Variants in SDC4 observed in about 807,000 individuals in gnomAD.
SDC4 encodes the protein syndecan 4, also known as syndecan-4.
Under a neutral mutation model 20.5 loss-of-function variants are expected in SDC4, and 17 were observed. The observed-to-expected ratio is 0.83, with a 90% CI of 0.57 to 1.25. The LOEUF is 1.25. Among genes scored for constraint, SDC4 ranks in the 50% most tolerant of loss-of-function variants. SDC4 has a pLI of 0.00. For missense variants in SDC4, 241 were observed against 252.3 expected (o/e 0.96, Z 0.30); for synonymous variants, 107 against 105.3 (o/e 1.02, Z -0.10).
rs901163167 is a variant in SDC4, at chr20:45,335,875, G to A, written c.106C>T (p.Arg36Ter). Residue 36 changes from arginine (R) to a stop codon, truncating the protein, a stop_gained, in exon 2 of 5, where the codon CGA (arginine) becomes TGA (stop). Transcript: ENST00000372733. LOFTEE classifies it high-confidence loss of function. ...VIDPQDLLEGRYFSGALPDDE... is the reference protein window; with the variant it reads ...VIDPQDLLEG ...TCTGGTAGGGCTCCGGAGAAGTATC[G>A]GCCTTCTAGGAGGTCCTGGGGGTCG... 14 of 1,613,610 alleles carry A rather than the reference G, an allele frequency of 8.7e-6. No homozygotes were observed. The highest frequency in any genetic ancestry group is 2.2e-5 in the East Asian group (1 of 44,870).
At chr20:45,343,673 G>T (rs892985008) in intron 1 of SDC4, among the ~76,000 whole-genome samples, 2 of 152,336 alleles carry the variant, frequency 1.3e-5, no homozygotes, top group East Asian at 1.9e-4. Context: ...TCCCAGCTGT[G>T]GGGGTAGATA....
In SDC4 at chr20:45,342,122, CCGAG is replaced by C. The variant is rs1404464938; in HGVS notation, c.60+6199_60+6202del. 4.6e-5 allele frequency among the ~76,000 whole-genome samples: 7 copies of C among 152,286 alleles called. No individual in the cohort carries two copies. In the South Asian group the frequency reaches 1.0e-3, roughly 23 times the overall value. On this transcript the variant is annotated intron_variant, in intron 1 of 4. Coordinates refer to ENST00000372733, the MANE Select transcript of SDC4 (RefSeq NM_002999.4). Reference sequence around the variant, plus strand: ...AGCAGATCCGAAATCCCTGCTGGATCCGAGGGCTAGGGAGGCTCTCGGGATGTAA... The same window carrying C: ...AGCAGATCCGAAATCCCTGCTGGATCGGCTAGGGAGGCTCTCGGGATGTAA...
chr20:45,339,470 G>C (rs1987923244), intron 1 of SDC4, among the ~76,000 whole-genome samples: 1 of 152,246 alleles, frequency 6.6e-6, no homozygotes. Context: ...AAGTAAGACA[G>C]TGGTGGCTAG....
chr20:45,348,253 C>A, intron 1 of SDC4, 72 bp downstream of exon 1: 1 of 1,284,934 alleles, frequency 7.8e-7, no homozygotes, highest in Non-Finnish European at 1.1e-6. Context: ...CCATCCCACG[C>A]TCCGACGAAC....
At chr20:45,328,755 A>C (rs1987732666) in intron 4 of SDC4, among the ~76,000 whole-genome samples, 1 of 152,200 alleles carries the variant, frequency 6.6e-6, no homozygotes, top group African/African-American at 2.4e-5. Context: ...TATGTACACA[A>C]TGGGGACAGA....
At chr20:45,347,750 A>G (rs1988053803) in intron 1 of SDC4, among the ~76,000 whole-genome samples, 1 of 152,164 alleles carries the variant, frequency 6.6e-6, no homozygotes, top group African/African-American at 2.4e-5. Flanking sequence ...CCCTTGGTGC[A>G]GTATTGGGAA....
intron 1 of SDC4, among the ~76,000 whole-genome samples, chr20:45,342,007 C>CG (rs1987959240): frequency 6.6e-6 from 1 of 152,170 alleles, no homozygotes; most frequent in African/African-American, 2.4e-5. Flanking sequence ...GGCATTGCTC[C>CG]GATTACCGGT....
chr20:45,335,342 A>G (rs1178606824), intron 2 of SDC4, among the ~76,000 whole-genome samples: 2 of 151,832 alleles, frequency 1.3e-5, no homozygotes, highest in Admixed American at 1.3e-4. Context: ...CACCACATCC[A>G]GCTAATTTTT....
chr20:45,333,858 T>A (rs1987818983), intron 2 of SDC4, among the ~76,000 whole-genome samples: 2 of 152,256 alleles, frequency 1.3e-5, no homozygotes, highest in Non-Finnish European at 2.9e-5. Context: ...ATGTTTAAAA[T>A]GTTCTTATCT....
At chr20:45,336,001 C>A (rs565736475) in intron 1 of SDC4, 81 bp from the exon 2 acceptor site, 1 of 1,488,798 alleles carries the variant, frequency 6.7e-7, no homozygotes, top group South Asian at 1.2e-5. Context: ...GTGAAGTGGG[C>A]ATTCAGAAAC....
intron 1 of SDC4, among the ~76,000 whole-genome samples, chr20:45,337,765 G>T (rs1215134750): frequency 3.3e-5 from 5 of 152,360 alleles, no homozygotes; most frequent in African/African-American, 1.2e-4. Context: ...CCCCCACAGA[G>T]GGAGAATGCT....
intron 1 of SDC4, among the ~76,000 whole-genome samples, chr20:45,337,399 G>A (rs559335821): frequency 6.6e-6 from 1 of 152,314 alleles, no homozygotes; most frequent in African/African-American, 2.4e-5. Flanking sequence ...CTGGGGGTCT[G>A]CTTAGAATCA....
In SDC4 at chr20:45,327,342, C is replaced by T; in HGVS notation, c.519G>A (p.Lys173=). The change falls in exon 5 of 5, where the codon AAG becomes AAA. Residue 173 remains lysine (K), a synonymous_variant. Coordinates refer to ENST00000372733, the MANE Select transcript of SDC4 (RefSeq NM_002999.4). ...GGTCATAGCTGCCTTCATCCTTCTT[C>T]TTCATACGGTACATGAGCAGTAGGA... The part of the protein sequence containing the change: ...FLILLLMYRM[K]KKDEGSYDLG... The T allele has an allele frequency of 1.2e-6, 2 of 1,614,178 alleles. No individual in the cohort carries two copies. The highest frequency in any genetic ancestry group is 1.7e-6 in the Non-Finnish European group (2 of 1,180,032).
In SDC4 at chr20:45,330,529, C is replaced by A. The variant is rs755769948; in HGVS notation, c.282G>T (p.Gly94=). The A allele has an allele frequency of 1.2e-6, 2 of 1,614,002 alleles. No homozygotes were observed. Among genetic ancestry groups the A allele is most frequent in the Non-Finnish European group, 8.5e-7 (1 of 1,180,038 alleles). The change falls in exon 4 of 5, where the codon GGG becomes GGT. Residue 94 remains glycine (G), a synonymous_variant. Transcript: ENST00000372733. ...GTTCGGTGGGGACTTGGCTCCCAGA[C>A]CCTGCCCTCTCAGGGATATGGTTAT... ...PLDNHIPERA[G]SGSQVPTEPK...
intron 1 of SDC4, 55 bp from the exon 2 acceptor site, chr20:45,335,975 T>A: frequency 6.3e-7 from 1 of 1,582,622 alleles, no homozygotes; most frequent in Non-Finnish European, 8.6e-7. Context: ...CCATGACAGC[T>A]GATGCCCAAA....
At chr20:45,332,830 G>A (rs915820798) in intron 3 of SDC4, among the ~76,000 whole-genome samples, 193 bp downstream of exon 3, 2 of 152,168 alleles carry the variant, frequency 1.3e-5, no homozygotes, top group Admixed American at 1.3e-4. Flanking sequence ...CTGACCTCAA[G>A]CCTCCCAAAG....
chr20:45,338,849 C>T (rs973334483), intron 1 of SDC4, among the ~76,000 whole-genome samples: 4 of 152,128 alleles, frequency 2.6e-5, no homozygotes, highest in Admixed American at 6.6e-5. Context: ...GGCCTGGATT[C>T]GATCCTATTT....
At chr20:45,347,763 G>T (rs1380606077) in intron 1 of SDC4, among the ~76,000 whole-genome samples, 1 of 152,178 alleles carries the variant, frequency 6.6e-6, no homozygotes, top group African/African-American at 2.4e-5. Context: ...ATTGGGAAGA[G>T]ATTCAGAAGG....
chr20:45,325,571 G>C lies in SDC4; in HGVS notation c.*1693C>G, dbSNP rs958862766. 6.6e-6 allele frequency: 1 copy of C among 152,564 alleles called. No homozygotes were observed. Among genetic ancestry groups the C allele is most frequent in the South Asian group, 2.1e-4 (1 of 4,818 alleles). The allele number at this position is 152,564 out of a possible 1,614,324, so 9.5% of individuals were successfully genotyped here. The stretch of plus-strand genomic sequence containing the variant: ...AGCCACCAGGCCTCCCCTCTCAGGA[G>C]AGGGAGGGTCCCAGACAACAGGCCC... On this transcript the variant is annotated 3_prime_UTR_variant, in exon 5 of 5. Transcript: ENST00000372733.
Sources: allele counts gnomAD v4.1 joint callset (sites outside exome capture counted in the v4.1 genomes callset), GRCh38; gene constraint gnomAD v4.1.1; transcripts MANE v1.5; gene names NCBI Gene and HGNC (gene_info 2026-07-23, HGNC 2026-07-21).